Variants in LIMK2 observed in about 807,000 individuals in gnomAD.
LIMK2 encodes the protein LIM domain kinase 2.
Under a neutral mutation model 75.7 loss-of-function variants are expected in LIMK2, and 35 were observed. That is an observed-to-expected ratio of 0.46 (90% CI 0.35 to 0.61). The LOEUF is 0.61. Ranked by LOEUF, LIMK2 falls within the 20% of genes least tolerant of loss-of-function variation. LIMK2 has a pLI of 0.00. For synonymous variants in LIMK2, 301 were observed against 319.2 expected, an observed-to-expected ratio of 0.94 and a Z score of 0.61; for missense variants, 623 against 831.0, an observed-to-expected ratio of 0.75 and a Z score of 3.08.
At chr22:31,271,411 CAACCTTT>C in intron 12 of LIMK2, among the ~76,000 whole-genome samples, 3 of 152,176 alleles carry the variant, frequency 2.0e-5, no homozygotes, top group African/African-American at 7.2e-5. Flanking sequence ...CTCTCATTAG[CAACCTTT>C]GAAATAATTT....
Position 31,278,730 on chromosome 22 carries a change from G to T in LIMK2, c.*289G>T, listed in dbSNP as rs935443530. The T allele has an allele frequency of 7.9e-6, 2 of 253,710 alleles. No homozygotes were observed. Among genetic ancestry groups the T allele is most frequent in the Non-Finnish European group, 1.5e-5 (2 of 132,092 alleles). 15.7% of individuals were successfully genotyped at this position (253,710 alleles called of 1,614,324 possible). ...TTGGGCCAGGAGGAATCTGTTACTCGAATCCACCCAGGAACTCCCTGGCAG... is the reference window on the plus strand; with the variant it reads ...TTGGGCCAGGAGGAATCTGTTACTCTAATCCACCCAGGAACTCCCTGGCAG... On this transcript the variant is annotated 3_prime_UTR_variant, in exon 16 of 16. Transcript: ENST00000331728.
At chr22:31,221,451 C>T (rs1054206548) in intron 1 of LIMK2, among the ~76,000 whole-genome samples, 2 of 151,974 alleles carry the variant, frequency 1.3e-5, no homozygotes, top group Non-Finnish European at 1.5e-5. Context: ...TTGATATCTT[C>T]GTACCACTTG....
intron 2 of LIMK2, among the ~76,000 whole-genome samples, chr22:31,228,657 A>G (rs1334694358): frequency 6.6e-6 from 1 of 151,912 alleles, no homozygotes; most frequent in African/African-American, 2.4e-5. Flanking sequence ...ATAGGGCCGG[A>G]CGTGGTGGCT....
At chr22:31,261,247 G>A (rs546484083) in intron 5 of LIMK2, among the ~76,000 whole-genome samples, 1 of 151,948 alleles carries the variant, frequency 6.6e-6, no homozygotes, top group Non-Finnish European at 1.5e-5. Context: ...GATTGCTTGA[G>A]GTCAAGAGTT....
chr22:31,275,203 T>C lies in LIMK2; in HGVS notation c.1667T>C (p.Phe556Ser). The change falls in exon 15 of 16, where the codon TTT (phenylalanine) becomes TCT (serine). Residue 556 changes from phenylalanine to serine, a missense_variant. Physicochemically the swap from Phe to Ser is radical, Grantham distance 155. This residue lies in a region of LIMK2 where 63 missense variants were observed against 122.8 expected (regional missense o/e 0.51). Coordinates refer to ENST00000331728, the MANE Select transcript of LIMK2 (RefSeq NM_005569.4). ...GACTGCCTTCCCCGAACACTGGACT[T>C]TGGCCTCAACGTGAAGCTTTTCTGG... ...DPDCLPRTLD[F>S]GLNVKLFWEK... 6 of 1,614,214 alleles carry C rather than the reference T, an allele frequency of 3.7e-6. No homozygotes were observed. Among genetic ancestry groups the C allele is most frequent in the Non-Finnish European group, 5.1e-6 (6 of 1,180,030 alleles).
intron 1 of LIMK2, among the ~76,000 whole-genome samples, chr22:31,213,425 G>C (rs1436489337): frequency 6.6e-6 from 1 of 152,204 alleles, no homozygotes; most frequent in East Asian, 1.9e-4. Context: ...AGGGTATTGA[G>C]GTGGAGGGGG....
intron 5 of LIMK2, among the ~76,000 whole-genome samples, 188 bp downstream of exon 5, chr22:31,260,265 C>T (rs2048825751): frequency 6.6e-6 from 1 of 152,228 alleles, no homozygotes; most frequent in African/African-American, 2.4e-5. Context: ...GCCCAGGCTA[C>T]TTCCTACCCG....
At chr22:31,249,654 C>T (rs1410708090) in intron 2 of LIMK2, among the ~76,000 whole-genome samples, 1 of 152,136 alleles carries the variant, frequency 6.6e-6, no homozygotes, top group Non-Finnish European at 1.5e-5. Context: ...AGGCTGCCTC[C>T]CCCTCACCAG....
chr22:31,256,069 G>A (rs1207477418), intron 2 of LIMK2, among the ~76,000 whole-genome samples: 2 of 121,550 alleles, frequency 1.6e-5, no homozygotes, highest in Non-Finnish European at 3.2e-5. Flanking sequence ...TGCAATTTTG[G>A]GTCACCACAA....
intron 7 of LIMK2, among the ~76,000 whole-genome samples, chr22:31,265,191 CAAA>C (rs35356989): frequency 5.8e-5 from 2 of 34,522 alleles, no homozygotes; most frequent in Non-Finnish European, 9.6e-5. Context: ...GAGACTCCAT[CAAA>C]AAAAAAAAAA....
chr22:31,222,157 G>A (rs1187070635), intron 1 of LIMK2, among the ~76,000 whole-genome samples: 60 of 151,706 alleles, frequency 4.0e-4, no homozygotes, highest in African/African-American at 1.4e-3. Context: ...TGCAACCTCT[G>A]CCTCCCGGGT....
intron 1 of LIMK2, among the ~76,000 whole-genome samples, chr22:31,222,218 G>GCAC (rs1454337281): frequency 6.6e-6 from 1 of 151,250 alleles, no homozygotes; most frequent in Non-Finnish European, 1.5e-5. Flanking sequence ...TTACAGGCAT[G>GCAC]CACCACCATG....
In LIMK2 at chr22:31,275,214, G is replaced by A. The variant is rs751602623; in HGVS notation, c.1678G>A (p.Val560Met). Residue 560 changes from valine to methionine, a missense_variant, in exon 15 of 16, where the codon GTG becomes ATG. This residue lies in a region of LIMK2 where 63 missense variants were observed against 122.8 expected (regional missense o/e 0.51). Coordinates refer to ENST00000331728, the MANE Select transcript of LIMK2 (RefSeq NM_005569.4). ...CCGAACACTGGACTTTGGCCTCAACGTGAAGCTTTTCTGGGAGAAGTTTGT... is the reference window on the plus strand; with the variant it reads ...CCGAACACTGGACTTTGGCCTCAACATGAAGCTTTTCTGGGAGAAGTTTGT... ...LPRTLDFGLN[V>M]KLFWEKFVPT... 2 of 1,614,184 alleles carry A rather than the reference G, an allele frequency of 1.2e-6. No individual in the cohort carries two copies. The highest frequency in any genetic ancestry group is 8.5e-7 in the Non-Finnish European group (1 of 1,180,034).
At chr22:31,257,535 A>G (rs2048796870) in intron 2 of LIMK2, among the ~76,000 whole-genome samples, 1 of 152,176 alleles carries the variant, frequency 6.6e-6, no homozygotes, top group Non-Finnish European at 1.5e-5. Context: ...ATTCACGGCA[A>G]TTTTACAATA....
chr22:31,255,976 G>GTTTTT (rs1440549025), intron 2 of LIMK2, among the ~76,000 whole-genome samples: 1 of 55,106 alleles, frequency 1.8e-5, no homozygotes, highest in East Asian at 6.7e-4. Flanking sequence ...ACTATATTGG[G>GTTTTT]TCTTTTTTTT....
intron 2 of LIMK2, among the ~76,000 whole-genome samples, chr22:31,226,960 A>C (rs2048485926): frequency 6.6e-6 from 1 of 152,164 alleles, no homozygotes; most frequent in South Asian, 2.1e-4. Context: ...AATTATACAG[A>C]CTTCAAATCA....
At chr22:31,236,378 C>G (rs1002612751) in intron 2 of LIMK2, among the ~76,000 whole-genome samples, 3 of 150,554 alleles carry the variant, frequency 2.0e-5, no homozygotes, top group African/African-American at 7.4e-5. Context: ...GAGGCCTAGG[C>G]GGGAGGATTG....
At chr22:31,257,494 A>G (rs1454779634) in intron 2 of LIMK2, among the ~76,000 whole-genome samples, 7 of 152,174 alleles carry the variant, frequency 4.6e-5, no homozygotes, top group African/African-American at 1.7e-4. Context: ...GAATTCTCCT[A>G]TATAAGTCAG....
Position 31,262,244 on chromosome 22 carries a change from A to T in LIMK2, c.657+5A>T, listed in dbSNP as rs1568997714. 1 of 1,596,876 alleles carries T rather than the reference A, an allele frequency of 6.3e-7. No individual in the cohort carries two copies. Among genetic ancestry groups the T allele is most frequent in the South Asian group, 1.1e-5 (1 of 90,720 alleles). ...CGCACACTTCGAGTGGAGGAGGTAGAGTGTGTGTCTAATCTGTCTTGTGAG... is the reference window on the plus strand; with the variant it reads ...CGCACACTTCGAGTGGAGGAGGTAGTGTGTGTGTCTAATCTGTCTTGTGAG... On this transcript the variant is annotated splice_donor_5th_base_variant and intron_variant, in intron 6 of 15. Coordinates refer to ENST00000331728, the MANE Select transcript of LIMK2 (RefSeq NM_005569.4). The surrounding 1 kb of genome is among the most constrained non-coding windows in gnomAD (Gnocchi z 5.0).
Sources: allele counts gnomAD v4.1 joint callset (sites outside exome capture counted in the v4.1 genomes callset), GRCh38; gene constraint gnomAD v4.1.1; regional missense constraint gnomAD v4.1.1; non-coding constraint Gnocchi (gnomAD v3.1); transcripts MANE v1.5; gene names NCBI Gene and HGNC (gene_info 2026-07-23, HGNC 2026-07-21).